Variants in AK8 observed in about 807,000 individuals in gnomAD.
AK8 encodes ATP-AMP transphosphorylase 8.
Under a neutral mutation model 54.6 loss-of-function variants are expected in AK8, and 44 were observed. That is an observed-to-expected ratio of 0.81 (90% CI 0.63 to 1.04). AK8 has a LOEUF of 1.04. AK8 is among the 50% of genes least tolerant of loss of function. The pLI, the probability that AK8 is intolerant of heterozygous loss-of-function variation, is 0.00. For synonymous variants in AK8, 239 were observed against 245.6 expected (o/e 0.97, Z 0.25); for missense variants, 555 against 613.6 (o/e 0.90, Z 1.01).
chr9:132,861,345 G>A (rs1269256234), intron 4 of AK8: 1 of 152,188 alleles, frequency 6.6e-6, no homozygotes, highest in Non-Finnish European at 1.5e-5. Context: ...GACTTAGTAG[G>A]TGCTCAGGAC....
At chr9:132,812,530 T>TACCCACTGGGATGACAGGTGAGCCGCCGC in intron 10 of AK8, among the ~76,000 whole-genome samples, 1 of 130,644 alleles carries the variant, frequency 7.7e-6, no homozygotes, top group African/African-American at 2.8e-5. Flanking sequence ...TGAGCTACCG[T>TACCCACTGGGATGACAGGTGAGCCGCCGC]GCCCACTGGG....
intron 5 of AK8, among the ~76,000 whole-genome samples, chr9:132,845,424 G>A (rs1419766154): frequency 6.6e-6 from 1 of 152,200 alleles, no homozygotes; most frequent in Non-Finnish European, 1.5e-5. Flanking sequence ...GGTGCACTAT[G>A]CAAAGAGGTT....
chr9:132,852,602 TC>T (rs1843007268), intron 5 of AK8, among the ~76,000 whole-genome samples: 1 of 130,514 alleles, frequency 7.7e-6, no homozygotes, highest in African/African-American at 2.7e-5. Flanking sequence ...AGAGCAAGAC[TC>T]CATCTCAAAA....
rs1032324523 is a variant in AK8, at chr9:132,790,301, A to G, written c.1121+2333T>C. 6.6e-6 allele frequency among the ~76,000 whole-genome samples: 1 copy of G among 151,414 alleles called. No individual in the cohort carries two copies. The highest frequency in any genetic ancestry group is 2.4e-5 in the African/African-American group (1 of 41,112). ...AGTCTCACTCTGTCGCTCAGGCTGGAGCGCAGTGGCGTGATCTCAGCTCAC... is the reference window on the plus strand; with the variant it reads ...AGTCTCACTCTGTCGCTCAGGCTGGGGCGCAGTGGCGTGATCTCAGCTCAC... On this transcript the variant is annotated intron_variant, in intron 11 of 12. Transcript: ENST00000298545. The surrounding 1 kb of genome is among the most constrained non-coding windows in gnomAD (Gnocchi z 4.1).
chr9:132,822,443 G>C (rs1353470051), intron 9 of AK8, among the ~76,000 whole-genome samples: 3 of 150,838 alleles, frequency 2.0e-5, no homozygotes, highest in Non-Finnish European at 4.4e-5. Context: ...GTATAATTTG[G>C]GGGGGTTGTA....
chr9:132,793,054 T>A (rs916319574), intron 10 of AK8, among the ~76,000 whole-genome samples: 1 of 124,056 alleles, frequency 8.1e-6, no homozygotes, highest in Non-Finnish European at 1.9e-5. Context: ...CAGTGAGATG[T>A]GAGCAGATTG....
intron 5 of AK8, among the ~76,000 whole-genome samples, chr9:132,830,331 C>T (rs943274975): frequency 1.2e-4 from 19 of 152,158 alleles, no homozygotes; most frequent in Admixed American, 4.6e-4. Context: ...CCTTCTTTTA[C>T]GACTTTTGAT....
intron 11 of AK8, among the ~76,000 whole-genome samples, chr9:132,746,312 T>A (rs1288814471): frequency 6.6e-6 from 1 of 152,156 alleles, no homozygotes; most frequent in Non-Finnish European, 1.5e-5. Flanking sequence ...AAAGAATGTA[T>A]TTTACTCCCA....
intron 11 of AK8, among the ~76,000 whole-genome samples, chr9:132,762,123 G>C (rs1838503310): frequency 6.6e-6 from 1 of 152,130 alleles, no homozygotes; most frequent in South Asian, 2.1e-4. Flanking sequence ...GCCCACCTTG[G>C]CCTCCCAAAG....
intron 5 of AK8, among the ~76,000 whole-genome samples, chr9:132,845,312 A>G (rs1842705578): frequency 6.6e-6 from 1 of 152,258 alleles, no homozygotes; most frequent in South Asian, 2.1e-4. Flanking sequence ...ACTAATAACG[A>G]TGTCAATTAT....
intron 11 of AK8, among the ~76,000 whole-genome samples, chr9:132,780,236 A>C (rs1839403624): frequency 6.6e-6 from 1 of 152,218 alleles, no homozygotes; most frequent in Non-Finnish European, 1.5e-5. Context: ...AAGGCAGAGC[A>C]GAGATGCCCT....
At chr9:132,776,821 T>C (rs1294544081) in intron 11 of AK8, among the ~76,000 whole-genome samples, 1 of 152,102 alleles carries the variant, frequency 6.6e-6, no homozygotes, top group Non-Finnish European at 1.5e-5. Flanking sequence ...GGCTAAAAAC[T>C]CTTGATTCCC....
chr9:132,801,276 A>G (rs568638014), intron 10 of AK8, among the ~76,000 whole-genome samples: 146 of 152,348 alleles, frequency 9.6e-4, no homozygotes, highest in Non-Finnish European at 1.8e-3. Flanking sequence ...AGACCATTCA[A>G]AAATAGACAT....
chr9:132,878,892 C>A, upstream of AK8: 1 of 535,290 alleles, frequency 1.9e-6, no homozygotes, highest in Non-Finnish European at 2.4e-6. This position sits in a 1 kb window ranked among gnomAD's most constrained non-coding sequence, Gnocchi z 4.7. Context: ...GACGTCCCCA[C>A]CCACCCTCGC....
chr9:132,747,864 C>A (rs1040349477), intron 11 of AK8, among the ~76,000 whole-genome samples: 2 of 150,576 alleles, frequency 1.3e-5, no homozygotes, highest in Admixed American at 6.7e-5. Flanking sequence ...ACCTGTAATC[C>A]CAGCACTTTG....
chr9:132,849,563 A>G (rs1375904837), intron 5 of AK8, among the ~76,000 whole-genome samples: 2 of 152,158 alleles, frequency 1.3e-5, no homozygotes, highest in Non-Finnish European at 2.9e-5. Flanking sequence ...AAGACCATCC[A>G]CTCACAGTGA....
chr9:132,858,295 C>T (rs1225401611), intron 4 of AK8, among the ~76,000 whole-genome samples: 3 of 152,222 alleles, frequency 2.0e-5, no homozygotes, highest in Non-Finnish European at 2.9e-5. Context: ...AGGTGCCGCC[C>T]GCTGTTTTGC....
At chr9:132,870,183 T>C (rs907456857) in intron 2 of AK8, among the ~76,000 whole-genome samples, 2 of 152,222 alleles carry the variant, frequency 1.3e-5, no homozygotes, top group African/African-American at 4.8e-5. Flanking sequence ...AAATGGTACA[T>C]GTCTATGAAT....
At chr9:132,788,069 A>G (rs1427002275) in intron 11 of AK8, among the ~76,000 whole-genome samples, 3 of 152,190 alleles carry the variant, frequency 2.0e-5, no homozygotes, top group Middle Eastern at 3.2e-3. Flanking sequence ...AGATTACACA[A>G]TATGATGGAC....
Sources: gnomAD v4.1 joint callset for allele counts (sites outside exome capture counted in the v4.1 genomes callset) on GRCh38, gnomAD v4.1.1 for gene constraint, Gnocchi (gnomAD v3.1) non-coding constraint, MANE v1.5 for transcripts, NCBI Gene and HGNC (gene_info 2026-07-23, HGNC 2026-07-21) for gene names.